Variants in CD9 observed in about 807,000 individuals in gnomAD.
The protein encoded by CD9 is CD9 molecule.
A neutral mutation model predicts 31.4 loss-of-function variants in CD9; 10 were observed. That is an observed-to-expected ratio of 0.32 (90% CI 0.20 to 0.54). The LOEUF is 0.54. Ranked by LOEUF, CD9 falls within the 20% of genes least tolerant of loss-of-function variation. The probability of loss-of-function intolerance (pLI) is 0.94; values close to 1 mark genes in which losing one functional copy is unlikely to be tolerated. For synonymous variants in CD9, 113 were observed against 114.1 expected (o/e 0.99, Z 0.06); for missense variants, 259 against 300.1 (o/e 0.86, Z 1.01).
intron 1 of CD9, among the ~76,000 whole-genome samples, chr12:6,215,975 G>A (rs1946239124): frequency 6.6e-6 from 1 of 152,224 alleles, no homozygotes; most frequent in Non-Finnish European, 1.5e-5. Context: ...AAGTGGCTTT[G>A]CCCTTCCAAA....
chr12:6,208,578 CT>C (rs112287397), intron 1 of CD9, among the ~76,000 whole-genome samples: 97 of 148,448 alleles, frequency 6.5e-4, no homozygotes, highest in African/African-American at 2.0e-3. Context: ...TGTTTTTGTT[CT>C]TTTTTTTTTG....
At position 6,225,451 on chromosome 12, in the gene CD9, T is replaced by G; in HGVS notation, c.92T>G (p.Ile31Ser). ...CTTGCCGGGATTGCTGTCCTTGCCA[T>G]TGGACTATGGCTCCGATTCGACTCT... ...FWLAGIAVLAIGLWLRFDSQT... is the reference protein window; with the variant it reads ...FWLAGIAVLASGLWLRFDSQT... Residue 31 changes from isoleucine (I) to serine (S), a missense_variant, in exon 2 of 8, where the codon ATT (isoleucine) becomes AGT (serine). By Grantham distance (142) the Ile-to-Ser change is moderately radical (BLOSUM62 -2). Coordinates refer to ENST00000009180, the MANE Select transcript of CD9 (RefSeq NM_001769.4). 1 of 1,613,670 alleles carries G rather than the reference T, an allele frequency of 6.2e-7. No homozygotes were observed. Among genetic ancestry groups the G allele is most frequent in the Non-Finnish European group, 8.5e-7 (1 of 1,179,554 alleles).
Position 6,237,752 on chromosome 12 carries a change from C to CGAT in CD9, c.622-11_622-10insGAT, listed in dbSNP as rs1441249373. On this transcript the variant is annotated splice_polypyrimidine_tract_variant and intron_variant, in intron 7 of 7. Coordinates refer to ENST00000009180, the MANE Select transcript of CD9 (RefSeq NM_001769.4). Reference sequence around the variant, plus strand: ...ACCACCCTGATCCTCATGTTTCTTCCTATCTCCTAGATATTTGGCATGATC... The same window carrying CGAT: ...ACCACCCTGATCCTCATGTTTCTTCCGATTATCTCCTAGATATTTGGCATGATC... The CGAT allele has an allele frequency of 6.2e-7, 1 of 1,607,656 alleles. No individual in the cohort carries two copies. Among genetic ancestry groups the CGAT allele is most frequent in the African/African-American group, 1.3e-5 (1 of 74,804 alleles).
At chr12:6,200,652 G>C in intron 1 of CD9, 87 bp downstream of exon 1, 1 of 874,152 alleles carries the variant, frequency 1.1e-6, no homozygotes, top group Non-Finnish European at 1.9e-6. Flanking sequence ...AGTGCCGGCA[G>C]CTGGCACTGC....
At chr12:6,215,142 A>G (rs1946232112) in intron 1 of CD9, among the ~76,000 whole-genome samples, 1 of 152,092 alleles carries the variant, frequency 6.6e-6, no homozygotes, top group Admixed American at 6.5e-5. Flanking sequence ...ATCGGAGTGT[A>G]AAGTAGTAGG....
At chr12:6,225,904 G>T (rs903501681) in intron 2 of CD9, among the ~76,000 whole-genome samples, 1 of 152,016 alleles carries the variant, frequency 6.6e-6, no homozygotes, top group African/African-American at 2.4e-5. Context: ...AAAAAGCTTT[G>T]TCCTGGGGAT....
intron 4 of CD9, 151 bp downstream of exon 4, chr12:6,233,637 G>C: frequency 1.5e-6 from 1 of 653,136 alleles, no homozygotes; most frequent in African/African-American, 1.8e-5. Flanking sequence ...CAGCGAATGT[G>C]CCCTCCTCGG....
At chr12:6,215,801 A>T (rs1316869156) in intron 1 of CD9, among the ~76,000 whole-genome samples, 1 of 152,238 alleles carries the variant, frequency 6.6e-6, no homozygotes, top group Non-Finnish European at 1.5e-5. Context: ...TCATCTAGAA[A>T]TTCCGCCATG....
intron 1 of CD9, among the ~76,000 whole-genome samples, chr12:6,203,396 G>A (rs1418952760): frequency 1.3e-5 from 2 of 152,138 alleles, no homozygotes; most frequent in African/African-American, 2.4e-5. Flanking sequence ...CTTGGCATTC[G>A]GAACCTGATG....
intron 7 of CD9, among the ~76,000 whole-genome samples, chr12:6,237,263 C>T (rs952932568): frequency 7.2e-5 from 11 of 152,294 alleles, no homozygotes; most frequent in African/African-American, 2.6e-4. Flanking sequence ...GCGTGAGCCA[C>T]TGTGCCCAGC....
chr12:6,224,234 G>T (rs1377426254), intron 1 of CD9, among the ~76,000 whole-genome samples: 1 of 152,168 alleles, frequency 6.6e-6, no homozygotes, highest in Non-Finnish European at 1.5e-5. Flanking sequence ...AGGCAGGGAA[G>T]GGCCGCATCT....
intron 1 of CD9, among the ~76,000 whole-genome samples, chr12:6,212,696 C>G (rs2284348): frequency 0.4 from 60,825 of 152,126 alleles, 12,684 homozygotes; most frequent in Admixed American, 0.52. Flanking sequence ...CTTTATCTTA[C>G]AAGTTCAACT....
chr12:6,226,771 T>G (rs559622209), intron 2 of CD9, among the ~76,000 whole-genome samples: 19 of 152,310 alleles, frequency 1.2e-4, no homozygotes, highest in Non-Finnish European at 2.4e-4. Context: ...ACAGAGTTTT[T>G]GGGGAACAGG....
intron 2 of CD9, among the ~76,000 whole-genome samples, chr12:6,231,116 G>A (rs112254222): frequency 6.6e-6 from 1 of 152,242 alleles, no homozygotes; most frequent in African/African-American, 2.4e-5. Flanking sequence ...TTTCTCTCTC[G>A]CGTGCGTGTT....
At chr12:6,214,849 G>C (rs1242959085) in intron 1 of CD9, among the ~76,000 whole-genome samples, 1 of 152,144 alleles carries the variant, frequency 6.6e-6, no homozygotes, top group Non-Finnish European at 1.5e-5. Context: ...CCTGTTACCA[G>C]AGGAGAGTTC....
At chr12:6,209,456 C>T (rs1946168782) in intron 1 of CD9, among the ~76,000 whole-genome samples, 1 of 152,180 alleles carries the variant, frequency 6.6e-6, no homozygotes, top group Admixed American at 6.5e-5. Flanking sequence ...GCCCTTCCCA[C>T]TAAGACATAT....
At chr12:6,228,327 A>G (rs1020647357) in intron 2 of CD9, among the ~76,000 whole-genome samples, 28 of 152,122 alleles carry the variant, frequency 1.8e-4, no homozygotes, top group Admixed American at 1.2e-3. Flanking sequence ...CGAGGCAGGC[A>G]GATCACCCGA....
intron 4 of CD9, 91 bp downstream of exon 4, chr12:6,233,577 C>T: frequency 2.1e-6 from 2 of 974,224 alleles, no homozygotes; most frequent in African/African-American, 1.6e-5. Flanking sequence ...GCACTTTGTT[C>T]AGCTTTCAGC....
At position 6,232,791 on chromosome 12, in the gene CD9, GCCCAGA is replaced by G. The variant is rs1565428882; in HGVS notation, c.273+71_273+76del. The G allele has an allele frequency of 1.2e-5, 13 of 1,104,710 alleles. No individual in the cohort carries two copies. The highest frequency in any genetic ancestry group is 1.6e-5 in the Non-Finnish European group (12 of 753,590). The allele number at this position is 1,104,710 out of a possible 1,614,324, so 68.4% of individuals were successfully genotyped here. On this transcript the variant is annotated intron_variant, in intron 3 of 7. Coordinates refer to ENST00000009180, the MANE Select transcript of CD9 (RefSeq NM_001769.4). The surrounding 1 kb of genome is among the most constrained non-coding windows in gnomAD (Gnocchi z 4.8). ...CTCCCACCAACAAAAACCTCAGCAG[GCCCAGA>G]CCCAGACCACAGAACAGATGGAGGG...
Sources: allele counts gnomAD v4.1 joint callset (sites outside exome capture counted in the v4.1 genomes callset), GRCh38; gene constraint gnomAD v4.1.1; non-coding constraint Gnocchi (gnomAD v3.1); transcripts MANE v1.5; gene names NCBI Gene and HGNC (gene_info 2026-07-23, HGNC 2026-07-21).